Variants in ZC3H3 observed in about 807,000 individuals in gnomAD.
ZC3H3 encodes zinc finger CCCH-type containing 3, also known as zinc finger CCCH domain-containing protein 3.
ZC3H3 carries 36 observed loss-of-function variants against 77.3 expected under a neutral mutation model. That is an observed-to-expected ratio of 0.47 (90% CI 0.36 to 0.61). ZC3H3 has a LOEUF of 0.61. Ranked by LOEUF, ZC3H3 falls within the 20% of genes least tolerant of loss-of-function variation. ZC3H3 has a pLI of 0.00. For missense variants in ZC3H3, 1,331 were observed against 1,312.2 expected, an observed-to-expected ratio of 1.01 and a Z score of -0.22; for synonymous variants, 626 against 555.2, an observed-to-expected ratio of 1.13 and a Z score of -1.79.
intron 8 of ZC3H3, among the ~76,000 whole-genome samples, chr8:143,466,510 A>T (rs907521069): frequency 2.0e-5 from 3 of 152,168 alleles, no homozygotes; most frequent in African/African-American, 7.2e-5. Context: ...TGGGAGAGGG[A>T]AAAAATGTAA....
intron 3 of ZC3H3, among the ~76,000 whole-genome samples, chr8:143,520,092 T>A (rs1159711725): frequency 2.6e-5 from 4 of 152,194 alleles, no homozygotes; most frequent in Non-Finnish European, 4.4e-5. Context: ...GGAGGGGCCC[T>A]GGCAGAAGGC....
chr8:143,451,644 C>G (rs1488886328), intron 9 of ZC3H3, among the ~76,000 whole-genome samples: 1 of 151,940 alleles, frequency 6.6e-6, no homozygotes, highest in Non-Finnish European at 1.5e-5. Context: ...ATTAGCCTTG[C>G]ATGGTGGTGC....
At chr8:143,516,525 TCACACACACACACACACACA>T (rs57359541) in intron 3 of ZC3H3, among the ~76,000 whole-genome samples, 3 of 139,918 alleles carry the variant, frequency 2.1e-5, no homozygotes, top group Non-Finnish European at 3.1e-5. Context: ...AACTTTGCAA[TCACACACACACACACACACA>T]CACACACACA....
At chr8:143,484,242 C>T (rs986387876) in intron 4 of ZC3H3, among the ~76,000 whole-genome samples, 4 of 151,958 alleles carry the variant, frequency 2.6e-5, no homozygotes, top group Non-Finnish European at 4.4e-5. Flanking sequence ...CTGGTCCTTC[C>T]GAGGGCCATC....
Position 143,465,772 on chromosome 8 carries a change from C to G in ZC3H3, c.2252G>C (p.Arg751Pro). Reference protein sequence around the residue: ...NCPYSHVYVSRKAEVCSDFLK... With the variant: ...NCPYSHVYVSPKAEVCSDFLK... ...GAAGTCGCTGCAGACCTCGGCCTTG[C>G]GGGACACGTACACGTGGCTATAGGG... The change falls in exon 9 of 12, where the codon CGC becomes CCC. Residue 751 changes from arginine to proline, a missense_variant. Arg to Pro is a moderately radical substitution (Grantham distance 103). Coordinates refer to ENST00000262577, the MANE Select transcript of ZC3H3 (RefSeq NM_015117.3). 2 of 1,613,894 alleles carry G rather than the reference C, an allele frequency of 1.2e-6. No individual in the cohort carries two copies. Among genetic ancestry groups the G allele is most frequent in the Non-Finnish European group, 1.7e-6 (2 of 1,179,998 alleles).
chr8:143,477,439 A>G (rs1820767630), intron 4 of ZC3H3, among the ~76,000 whole-genome samples: 2 of 152,098 alleles, frequency 1.3e-5, no homozygotes, highest in Non-Finnish European at 2.9e-5. Flanking sequence ...TGTCTGGGCC[A>G]GAGGGGTGGA....
At chr8:143,535,483 G>T (rs34386820) in intron 3 of ZC3H3, among the ~76,000 whole-genome samples, 1 of 152,320 alleles carries the variant, frequency 6.6e-6, no homozygotes, top group South Asian at 2.1e-4. Flanking sequence ...CCCCAGAGTC[G>T]CACAGGACCA....
In ZC3H3 at chr8:143,531,044, C is replaced by A. The variant is rs2382957; in HGVS notation, c.1561+5213G>T. Among the ~76,000 whole-genome samples, 1,256 of 151,020 alleles carry A rather than the reference C, an allele frequency of 8.3e-3. 9 individuals carry two copies. Among genetic ancestry groups the A allele is most frequent in the African/African-American group, 0.029 (1,189 of 41,014 alleles). ...GTGCGATCATGGCTCACTAGAGCCT[C>A]AACCTCCCAGACCTAAGCAATCCTC... On this transcript the variant is annotated intron_variant, in intron 3 of 11. Transcript: ENST00000262577.
At chr8:143,468,008 C>A (rs754268527) in intron 8 of ZC3H3, among the ~76,000 whole-genome samples, 1 of 152,192 alleles carries the variant, frequency 6.6e-6, no homozygotes, top group Admixed American at 6.5e-5. Context: ...ACCCTATCAG[C>A]GCTGCTTTCC....
chr8:143,441,490 C>T (rs765929424), intron 9 of ZC3H3, among the ~76,000 whole-genome samples: 15 of 152,106 alleles, frequency 9.9e-5, no homozygotes, highest in African/African-American at 1.9e-4. Context: ...AGAGGGAGCC[C>T]GGGAAGGTGG....
intron 4 of ZC3H3, chr8:143,485,051 A>T: frequency 3.6e-6 from 1 of 279,178 alleles, no homozygotes; most frequent in South Asian, 3.0e-5. Flanking sequence ...GCCCTGCAAG[A>T]CAGTGGCAAA....
chr8:143,507,522 G>A (rs957997741), intron 4 of ZC3H3, among the ~76,000 whole-genome samples: 15 of 152,396 alleles, frequency 9.8e-5, no homozygotes, highest in Non-Finnish European at 1.6e-4. Context: ...GTGTCCGTCC[G>A]TCTTCACGTG....
intron 1 of ZC3H3, 33 bp from the exon 2 acceptor site, chr8:143,539,353 A>T: frequency 6.4e-7 from 1 of 1,560,350 alleles, no homozygotes; most frequent in Non-Finnish European, 8.7e-7. Context: ...CCAGTTAGCC[A>T]GAGGGTAACC....
At chr8:143,461,592 A>G (rs1179581761) in intron 9 of ZC3H3, among the ~76,000 whole-genome samples, 1 of 152,180 alleles carries the variant, frequency 6.6e-6, no homozygotes, top group African/African-American at 2.4e-5. Flanking sequence ...ACAGCCCCCA[A>G]CTGGCAACCA....
At chr8:143,445,591 G>T (rs1467337610) in intron 9 of ZC3H3, among the ~76,000 whole-genome samples, 1 of 151,432 alleles carries the variant, frequency 6.6e-6, no homozygotes, top group Non-Finnish European at 1.5e-5. Flanking sequence ...TGCTTGAGAG[G>T]CTGAGGCAGG....
intron 4 of ZC3H3, among the ~76,000 whole-genome samples, chr8:143,486,627 A>G (rs1305567182): frequency 1.3e-5 from 2 of 152,194 alleles, no homozygotes; most frequent in African/African-American, 4.8e-5. Context: ...AGTGATGAAC[A>G]AAAGAAGTCA....
intron 5 of ZC3H3, among the ~76,000 whole-genome samples, chr8:143,474,217 G>A (rs1489447698): frequency 1.3e-5 from 2 of 150,928 alleles, no homozygotes; most frequent in African/African-American, 4.9e-5. Context: ...ACAGTGCCCA[G>A]GAAGGGACCC....
At chr8:143,517,773 T>C (rs1563874812) in intron 3 of ZC3H3, among the ~76,000 whole-genome samples, 1 of 152,268 alleles carries the variant, frequency 6.6e-6, no homozygotes, top group East Asian at 1.9e-4. Context: ...CCTCTTCACC[T>C]TGTCTCTGCT....
intron 4 of ZC3H3, among the ~76,000 whole-genome samples, chr8:143,501,889 T>C (rs146379863): frequency 4.7e-3 from 717 of 152,356 alleles, no homozygotes; most frequent in Non-Finnish European, 7.1e-3. Context: ...TGCTGTGGAC[T>C]GAATGTTTGT....
Sources: gnomAD v4.1 joint callset for allele counts (sites outside exome capture counted in the v4.1 genomes callset) on GRCh38, gnomAD v4.1.1 for gene constraint, MANE v1.5 for transcripts, NCBI Gene and HGNC (gene_info 2026-07-23, HGNC 2026-07-21) for gene names.